COL10A1: variants seen among roughly 807,000 people sequenced by gnomAD.
COL10A1 encodes the protein collagen type X alpha 1 chain.
Under a neutral mutation model 18.2 loss-of-function variants are expected in COL10A1, and 10 were observed. That is an observed-to-expected ratio of 0.55 (90% confidence interval 0.34 to 0.93). The LOEUF is 0.93. Ranked by LOEUF, COL10A1 falls within the 40% of genes least tolerant of loss-of-function variation. The pLI is 0.02. For synonymous variants in COL10A1, 330 were observed against 316.6 expected (o/e 1.04, Z -0.45); for missense variants, 897 against 853.5 (o/e 1.05, Z -0.64).
At chr6:116,137,155 A>T (rs1183991446) in intron 1 of COL10A1, 1 of 197,226 alleles carries the variant, frequency 5.1e-6, no homozygotes, top group Non-Finnish European at 1.2e-5. Context: ...TCTTGCGTAG[A>T]TGTGGCTGCC....
At chr6:116,191,451 T>G in the COL10A1 span, among the ~76,000 whole-genome samples, 1 of 152,086 alleles carries the variant, frequency 6.6e-6, no homozygotes, top group African/African-American at 2.4e-5. Flanking sequence ...TGTTTTACAG[T>G]GTAAGAGGTT....
chr6:116,189,461 T>C, the COL10A1 span, among the ~76,000 whole-genome samples: 1 of 151,978 alleles, frequency 6.6e-6, no homozygotes, highest in Non-Finnish European at 1.5e-5. Context: ...TACCTCCCTC[T>C]CATTTCTAAC....
intron 2 of COL10A1, among the ~76,000 whole-genome samples, 180 bp downstream of exon 2, chr6:116,125,159 T>C (rs1028048149): frequency 1.3e-5 from 2 of 152,234 alleles, no homozygotes; most frequent in Admixed American, 6.5e-5. Flanking sequence ...TCCTTTCTAC[T>C]ACACTTATTG....
chr6:116,203,014 T>A, the COL10A1 span, among the ~76,000 whole-genome samples: 2 of 152,148 alleles, frequency 1.3e-5, no homozygotes, highest in East Asian at 1.9e-4. Context: ...AGTGGTTTTT[T>A]AAATTTAATT....
rs1779034875 is a variant in COL10A1 at position 116,119,327 on chromosome 6, A to C, written c.*746T>G. 6.6e-6 allele frequency: 1 copy of C among 152,468 alleles called. No homozygotes were observed. The highest frequency in any genetic ancestry group is 1.5e-5 in the Non-Finnish European group (1 of 68,028). 9.4% of individuals were successfully genotyped at this position (152,468 alleles called of 1,614,324 possible). A position where few individuals can be genotyped will look rare whatever the true frequency, so the allele number is the denominator to read the frequency against. On this transcript the variant is annotated 3_prime_UTR_variant, in exon 3 of 3. Transcript: ENST00000651968. ...TTAATCACACTTGTGTTAACTAAAT[A>C]AGAATAGGTCAGATACCTGTTTCCA...
At chr6:116,172,027 G>A in the COL10A1 span, among the ~76,000 whole-genome samples, 4 of 152,210 alleles carry the variant, frequency 2.6e-5, no homozygotes, top group East Asian at 7.7e-4. Context: ...AAGATTAAGA[G>A]GAAGGTAGAG....
In COL10A1 at chr6:116,121,199, AG is replaced by A. The variant is rs1406908112; in HGVS notation, c.916del (p.Leu306Ter). The A allele has an allele frequency of 6.2e-7, 1 of 1,613,428 alleles. No individual in the cohort carries two copies. The highest frequency in any genetic ancestry group is 1.1e-5 in the South Asian group (1 of 91,054). ...GCCAGCAGGTCCTCTTTCTCCCTTC[AG>A]GCCTGGCAAGCCTGGTTTCCCAAAG... ...PGFGKPGLPG[L>X]KGERGPAGLP... is the part of the protein sequence containing the mutation. On this transcript the variant is annotated frameshift_variant, in exon 3 of 3. Coordinates refer to ENST00000651968, the MANE Select transcript of COL10A1 (RefSeq NM_000493.4). LOFTEE classifies it high-confidence loss of function.
At chr6:116,194,158 G>A in the COL10A1 span, among the ~76,000 whole-genome samples, 2 of 151,992 alleles carry the variant, frequency 1.3e-5, no homozygotes, top group African/African-American at 4.8e-5. Context: ...CAATCAGAAT[G>A]TACAAAAAAT....
At chr6:116,167,659 T>C in the COL10A1 span, among the ~76,000 whole-genome samples, 3 of 152,212 alleles carry the variant, frequency 2.0e-5, no homozygotes, top group Admixed American at 6.5e-5. Flanking sequence ...TCGTTAGTTT[T>C]TAATTTGTTT....
Position 116,150,660 on chromosome 6 carries a change from T to A in COL10A1, c.-16+7954A>T, listed in dbSNP as rs554836413. 2.0e-5 allele frequency among the ~76,000 whole-genome samples: 3 copies of A among 152,334 alleles called. No individual in the cohort carries two copies. In the East Asian group the frequency reaches 5.8e-4, roughly 29 times the overall value. On this transcript the variant is annotated intron_variant, in intron 1 of 1. Transcript: ENST00000418500. ...GGACAAGAGTGAGTTTTAGGTACTT[T>A]ACCTAACTTTCAGAGATTGGAGCAT...
chr6:116,140,176 T>G (rs1779731118), intron 1 of COL10A1, among the ~76,000 whole-genome samples: 1 of 152,164 alleles, frequency 6.6e-6, no homozygotes, highest in Non-Finnish European at 1.5e-5. Flanking sequence ...CAGTGCATGC[T>G]CTCAGGTATT....
chr6:116,121,276 T>C lies in COL10A1; in HGVS notation c.840A>G (p.Thr280=). 1.2e-6 allele frequency: 2 copies of C among 1,613,966 alleles called. No individual in the cohort carries two copies. The highest frequency in any genetic ancestry group is 2.2e-5 in the South Asian group (2 of 91,072). ...TTCCTGGAGCCCCAGGGAGACCTTT[T>C]GTTCCTGGAATCCCTGGCTGGCCTG... ...GAPGQPGIPG[T]KGLPGAPGIA... Residue 280 remains threonine (T), a synonymous_variant, in exon 3 of 3, where the codon ACA becomes ACG. Coordinates refer to ENST00000651968, the MANE Select transcript of COL10A1 (RefSeq NM_000493.4).
chr6:116,127,460 T>C (rs1047644229), upstream of COL10A1, among the ~76,000 whole-genome samples: 5 of 152,166 alleles, frequency 3.3e-5, no homozygotes, highest in African/African-American at 1.2e-4. Flanking sequence ...ATGTTTCTTA[T>C]AGCAGTTTAG....
chr6:116,119,860 T>G lies in COL10A1; in HGVS notation c.*213A>C. ...AGAAAACCTTAAAGAGCCTTAAGAT[T>G]GCTAACTAGAAATTCAAGAGAGGCT... On this transcript the variant is annotated 3_prime_UTR_variant, in exon 3 of 3. Transcript: ENST00000651968. 1.8e-6 allele frequency: 1 copy of G among 571,268 alleles called. No individual in the cohort carries two copies. The allele number at this position is 571,268 out of a possible 1,614,324, so 35.4% of individuals were successfully genotyped here.
At position 116,120,854 on chromosome 6, in the gene COL10A1, G is replaced by A; in HGVS notation, c.1262C>T (p.Pro421Leu). 1 of 1,613,990 alleles carries A rather than the reference G, an allele frequency of 6.2e-7. No homozygotes were observed. The highest frequency in any genetic ancestry group is 8.5e-7 in the Non-Finnish European group (1 of 1,179,952). Residue 421 changes from proline (P) to leucine (L), a missense_variant, in exon 3 of 3, where the codon CCA becomes CTA. Pro to Leu is a moderately conservative substitution (Grantham distance 98). Coordinates refer to ENST00000651968, the MANE Select transcript of COL10A1 (RefSeq NM_000493.4). ...TGCTCCTGCTGGGCCCACAGGGCCT[G>A]GGAGACCAGGAGGTCCTCCAACTCC... ...DPGVGGPPGL[P>L]GPVGPAGAKG...
chr6:116,178,122 T>C, the COL10A1 span, among the ~76,000 whole-genome samples: 2 of 151,850 alleles, frequency 1.3e-5, no homozygotes, highest in East Asian at 3.9e-4. Context: ...TGTGTGTGTG[T>C]GTGTGTGTGT....
chr6:116,163,141 A>AAAAAAAAAAAT (rs761718922), upstream of COL10A1, among the ~76,000 whole-genome samples: 126 of 88,376 alleles, frequency 1.4e-3, 2 homozygotes, highest in African/African-American at 4.7e-3. Context: ...AAAAAAAAAA[A>AAAAAAAAAAAT]ATATATATAT....
At chr6:116,160,996 G>A (rs944518465), upstream of COL10A1, among the ~76,000 whole-genome samples, 1 of 151,848 alleles carries the variant, frequency 6.6e-6, no homozygotes, top group African/African-American at 2.4e-5. Flanking sequence ...ATACACCATG[G>A]AATACTATGC....
rs375357417 is a variant in COL10A1 at position 116,125,594 on chromosome 6, A to G, written c.-15-87T>C. ...TGTTTCACAGATGAGTTCTTTATACAGTTATCTACTTTTTTAACCTATCCT... is the reference window on the plus strand; with the variant it reads ...TGTTTCACAGATGAGTTCTTTATACGGTTATCTACTTTTTTAACCTATCCT... On this transcript the variant is annotated intron_variant, in intron 1 of 2. Transcript: ENST00000651968. 2.5e-3 allele frequency: 2,942 copies of G among 1,192,704 alleles called. 81 individuals carry two copies. The South Asian group carries it at 0.033, about 13-fold the overall frequency. 73.9% of individuals were successfully genotyped at this position (1,192,704 alleles called of 1,614,324 possible).
Sources: gnomAD v4.1 joint callset for allele counts (sites outside exome capture counted in the v4.1 genomes callset) on GRCh38, gnomAD v4.1.1 for gene constraint, MANE v1.5 for transcripts, NCBI Gene and HGNC (gene_info 2026-07-23, HGNC 2026-07-21) for gene names.